Variants in FBXO3 observed in about 807,000 individuals in gnomAD.
FBXO3 encodes F-box only protein 3.
FBXO3 carries 17 observed loss-of-function variants against 64.8 expected under a neutral mutation model. That is an observed-to-expected ratio of 0.26 (90% CI 0.18 to 0.39). The LOEUF (loss-of-function observed/expected upper bound fraction) is 0.39. Ranked by LOEUF, FBXO3 falls within the 10% of genes least tolerant of loss-of-function variation. The pLI is 1.00. For missense variants in FBXO3, 420 were observed against 589.9 expected (o/e 0.71, Z 2.98); for synonymous variants, 182 against 201.6 (o/e 0.90, Z 0.82).
intron 1 of FBXO3, chr11:33,773,429 AG>A (rs1855558762): frequency 6.6e-6 from 1 of 152,286 alleles, no homozygotes; most frequent in Non-Finnish European, 1.5e-5. Context: ...CTAATAACAC[AG>A]GGCACAATCA....
At chr11:33,752,422 T>C (rs1374066441) in intron 6 of FBXO3, among the ~76,000 whole-genome samples, 2 of 152,240 alleles carry the variant, frequency 1.3e-5, no homozygotes, top group African/African-American at 4.8e-5. Flanking sequence ...TGAATTTCTT[T>C]GTAATCTGGT....
Position 33,774,377 on chromosome 11 carries a change from G to A in FBXO3, c.104+17C>T. 3.2e-6 allele frequency: 5 copies of A among 1,576,484 alleles called. No individual in the cohort carries two copies. The highest frequency in any genetic ancestry group is 4.3e-6 in the Non-Finnish European group (5 of 1,156,196). On this transcript the variant is annotated intron_variant, in intron 1 of 10. Coordinates refer to ENST00000265651, the MANE Select transcript of FBXO3 (RefSeq NM_012175.4). ...CTCCCCATGCCCCCACCCCTGCCAT[G>A]CGTGTCGTCCCATTACTTGATTAGA...
rs831594 is a variant in FBXO3, at chr11:33,743,667, T to C, written c.1240-1583A>G. ...CTTGGGTCAAGCACACCAAGCACAT[T>C]ACTGTTTCGGAACCTCCACACGTGC... On this transcript the variant is annotated intron_variant, in intron 10 of 10. Transcript: ENST00000265651. The surrounding 1 kb of genome is among the most constrained non-coding windows in gnomAD (Gnocchi z 4.6). 52,691 of 152,168 alleles carry C rather than the reference T, an allele frequency of 0.35. 9,361 individuals are homozygous for C. The highest frequency in any genetic ancestry group is 0.54 in the Middle Eastern group (160 of 294). The allele number at this position is 152,168 out of a possible 1,614,324, so 9.4% of individuals were successfully genotyped here. A position where few individuals can be genotyped will look rare whatever the true frequency, so the allele number is the denominator to read the frequency against.
chr11:33,755,665 A>C, intron 5 of FBXO3, 106 bp downstream of exon 5: 1 of 811,502 alleles, frequency 1.2e-6, no homozygotes, highest in South Asian at 1.5e-5. Context: ...ACTAAAATGC[A>C]TAATATTCTA....
At chr11:33,747,060 T>C in intron 10 of FBXO3, 70 bp downstream of exon 10, 1 of 1,575,746 alleles carries the variant, frequency 6.3e-7, no homozygotes, top group South Asian at 1.2e-5. Context: ...ACTAACTATT[T>C]GCCTGGCTTA....
In FBXO3 at chr11:33,769,031, C is replaced by A; in HGVS notation, c.195-17G>T. 6.3e-7 allele frequency: 1 copy of A among 1,580,416 alleles called. No homozygotes were observed. The highest frequency in any genetic ancestry group is 1.8e-4 in the Middle Eastern group (1 of 5,558). On this transcript the variant is annotated splice_polypyrimidine_tract_variant and intron_variant, in intron 2 of 10. Coordinates refer to ENST00000265651, the MANE Select transcript of FBXO3 (RefSeq NM_012175.4). ...TTCTCTTCCCTAAATAGATGAAAAA[C>A]ATGAGATTTTAAATCTTTTAAAATA...
intron 9 of FBXO3, 29 bp downstream of exon 9, chr11:33,748,748 T>C (rs764918520): frequency 1.1e-5 from 15 of 1,368,846 alleles, no homozygotes; most frequent in South Asian, 1.2e-5. Context: ...AAGGAATTAA[T>C]GTATAAACCT....
chr11:33,761,737 T>G (rs980492763), intron 3 of FBXO3, among the ~76,000 whole-genome samples: 1 of 152,222 alleles, frequency 6.6e-6, no homozygotes, highest in Non-Finnish European at 1.5e-5. Context: ...CTATCTCATC[T>G]TATGCATCGT....
At chr11:33,754,413 G>GGAA (rs762033322) in intron 6 of FBXO3, 42 bp downstream of exon 6, 4 of 1,496,298 alleles carry the variant, frequency 2.7e-6, no homozygotes, top group Non-Finnish European at 3.6e-6. Flanking sequence ...ATTATATCCA[G>GGAA]GAAGAAGAAG....
At chr11:33,765,079 C>T (rs1855334832) in intron 3 of FBXO3, among the ~76,000 whole-genome samples, 1 of 152,276 alleles carries the variant, frequency 6.6e-6, no homozygotes, top group South Asian at 2.1e-4. Flanking sequence ...TGTGGTATTC[C>T]GGACTGGATC....
chr11:33,769,169 A>G (rs1036023155), intron 2 of FBXO3, among the ~76,000 whole-genome samples, 155 bp from the exon 3 acceptor site: 1 of 152,204 alleles, frequency 6.6e-6, no homozygotes, highest in Admixed American at 6.5e-5. Context: ...TGATATATAC[A>G]TAAAAAAATT....
At chr11:33,770,932 TCTTA>T (rs1326817273) in intron 1 of FBXO3, 102 bp from the exon 2 acceptor site, 1 of 899,444 alleles carries the variant, frequency 1.1e-6, no homozygotes, top group African/African-American at 1.7e-5. Flanking sequence ...CTTTTGTTTC[TCTTA>T]CTTTTCACTT....
chr11:33,774,144 G>A, intron 1 of FBXO3: 1 of 438,712 alleles, frequency 2.3e-6, no homozygotes. Flanking sequence ...GCCTCACCGA[G>A]GCCTGGGAGA....
intron 10 of FBXO3, chr11:33,745,620 ATTTT>A (rs1332526379): frequency 6.6e-6 from 1 of 152,200 alleles, no homozygotes; most frequent in African/African-American, 2.4e-5. Context: ...ATCTGACACT[ATTTT>A]GAACTACGCG....
intron 6 of FBXO3, among the ~76,000 whole-genome samples, chr11:33,752,055 T>C (rs1408260268): frequency 6.6e-6 from 1 of 152,236 alleles, no homozygotes; most frequent in Non-Finnish European, 1.5e-5. Flanking sequence ...AAGCACAAAA[T>C]TTTGGCAGAA....
At chr11:33,742,242 G>T in intron 10 of FBXO3, 158 bp from the exon 11 acceptor site, 2 of 545,570 alleles carry the variant, frequency 3.7e-6, no homozygotes, top group Non-Finnish European at 6.0e-6. Flanking sequence ...ACATGCTGAT[G>T]CAAGATTCTG....
At chr11:33,756,034 A>G in intron 4 of FBXO3, 59 bp from the exon 5 acceptor site, 3 of 1,371,022 alleles carry the variant, frequency 2.2e-6, no homozygotes, top group Non-Finnish European at 3.1e-6. Context: ...GCTGTGCTTC[A>G]TCTTTCTGAT....
chr11:33,748,248 A>C (rs1339085975), intron 9 of FBXO3, among the ~76,000 whole-genome samples: 1 of 152,218 alleles, frequency 6.6e-6, no homozygotes, highest in Admixed American at 6.5e-5. Context: ...CATGGCAATG[A>C]ATTTAGAAAA....
intron 1 of FBXO3, chr11:33,771,877 A>G (rs1855519466): frequency 6.6e-6 from 1 of 152,180 alleles, no homozygotes; most frequent in African/African-American, 2.4e-5. Flanking sequence ...GAGCTAAATG[A>G]CATAAAAGAA....
Sources: allele counts gnomAD v4.1 joint callset (sites outside exome capture counted in the v4.1 genomes callset), GRCh38; gene constraint gnomAD v4.1.1; non-coding constraint Gnocchi (gnomAD v3.1); transcripts MANE v1.5; gene names NCBI Gene and HGNC (gene_info 2026-07-23, HGNC 2026-07-21).